MTUS2: variants seen among roughly 807,000 people sequenced by gnomAD.
MTUS2 encodes the protein microtubule associated scaffold protein 2.
MTUS2 carries 40 observed loss-of-function variants against 114.1 expected under a neutral mutation model. The ratio of observed to expected loss-of-function variants is 0.35; its 90% CI spans 0.27 to 0.46. MTUS2 has a LOEUF of 0.46. Ranked by LOEUF, MTUS2 falls within the 20% of genes least tolerant of loss-of-function variation. The pLI, the probability that MTUS2 is intolerant of heterozygous loss-of-function variation, is 1.00. For synonymous variants in MTUS2, 688 were observed against 672.0 expected, an observed-to-expected ratio of 1.02 and a Z score of -0.37; for missense variants, 1,679 against 1,705.4, an observed-to-expected ratio of 0.98 and a Z score of 0.27.
At chr13:28,988,119 A>G (rs1484178599) in intron 2 of MTUS2, among the ~76,000 whole-genome samples, 1 of 152,244 alleles carries the variant, frequency 6.6e-6, no homozygotes, top group Non-Finnish European at 1.5e-5. Flanking sequence ...ATAATTAGCA[A>G]TTAGGATAGA....
chr13:29,147,707 G>A (rs1892494350), intron 5 of MTUS2, among the ~76,000 whole-genome samples: 2 of 151,988 alleles, frequency 1.3e-5, no homozygotes, highest in South Asian at 4.1e-4. Context: ...TTCTGTTCTT[G>A]CATTAATTCT....
chr13:29,120,401 G>A (rs1891259705), intron 5 of MTUS2, among the ~76,000 whole-genome samples: 2 of 151,530 alleles, frequency 1.3e-5, no homozygotes, highest in Non-Finnish European at 2.9e-5. Flanking sequence ...TTATTTAAAT[G>A]GAAAAAATCA....
intron 6 of MTUS2, among the ~76,000 whole-genome samples, chr13:29,300,682 G>A (rs1441932314): frequency 2.6e-5 from 4 of 152,028 alleles, no homozygotes; most frequent in African/African-American, 7.2e-5. Flanking sequence ...TATTTGATGT[G>A]TTTGAAGTGA....
intron 1 of MTUS2, among the ~76,000 whole-genome samples, chr13:28,833,221 A>G (rs1370346099): frequency 6.6e-6 from 1 of 152,166 alleles, no homozygotes; most frequent in Non-Finnish European, 1.5e-5. Context: ...CTCATTCTTT[A>G]AGGCCAGTAG....
intron 5 of MTUS2, among the ~76,000 whole-genome samples, chr13:29,263,632 G>A (rs34701185): frequency 0.013 from 2,012 of 152,242 alleles, 29 homozygotes; most frequent in East Asian, 0.084. Flanking sequence ...AGACAAAGTA[G>A]GAGCAGGCAC....
intron 8 of MTUS2, among the ~76,000 whole-genome samples, chr13:29,408,235 A>G (rs375775011): frequency 6.8e-6 from 1 of 146,780 alleles, no homozygotes; most frequent in Non-Finnish European, 1.5e-5. Flanking sequence ...TGTCTTGATT[A>G]AAAAAAAACC....
At chr13:29,391,927 G>T (rs1272304998) in intron 8 of MTUS2, among the ~76,000 whole-genome samples, 2 of 151,738 alleles carry the variant, frequency 1.3e-5, no homozygotes, top group Non-Finnish European at 1.5e-5. Flanking sequence ...CTGAGGTCAG[G>T]AATTTGAGAC....
chr13:29,239,293 C>G (rs995005020), intron 5 of MTUS2: 2 of 152,102 alleles, frequency 1.3e-5, no homozygotes, highest in Non-Finnish European at 2.9e-5. Context: ...TAAAGCCAAA[C>G]AAAATTTATT....
intron 7 of MTUS2, among the ~76,000 whole-genome samples, chr13:29,341,475 C>T (rs1204501271): frequency 3.3e-5 from 5 of 151,934 alleles, no homozygotes; most frequent in Non-Finnish European, 7.4e-5. Flanking sequence ...TGTCTTTAGC[C>T]CACTTTTTGA....
intron 5 of MTUS2, among the ~76,000 whole-genome samples, chr13:29,159,306 C>G (rs553102088): frequency 1.3e-5 from 2 of 152,212 alleles, no homozygotes; most frequent in East Asian, 1.9e-4. Flanking sequence ...AATATTCTCT[C>G]TCTATGTGCA....
At chr13:28,886,691 T>C (rs1878609636) in intron 2 of MTUS2, among the ~76,000 whole-genome samples, 1 of 152,110 alleles carries the variant, frequency 6.6e-6, no homozygotes, top group South Asian at 2.1e-4. Flanking sequence ...GACAGAAGTG[T>C]AAAATACTCT....
chr13:28,955,536 C>T (rs1883019669), intron 2 of MTUS2, among the ~76,000 whole-genome samples: 1 of 152,120 alleles, frequency 6.6e-6, no homozygotes, highest in Admixed American at 6.5e-5. Flanking sequence ...CAGTGTGACC[C>T]ATATATGTGA....
intron 7 of MTUS2, among the ~76,000 whole-genome samples, chr13:29,358,208 A>G (rs373078988): frequency 9.8e-5 from 15 of 152,350 alleles, no homozygotes; most frequent in African/African-American, 3.1e-4. Context: ...CCGCCTGCAC[A>G]TCCCAGGTCT....
intron 5 of MTUS2, among the ~76,000 whole-genome samples, chr13:29,154,123 G>T (rs1307890914): frequency 6.6e-6 from 1 of 152,168 alleles, no homozygotes; most frequent in Admixed American, 6.5e-5. Flanking sequence ...TAGCTCACCG[G>T]TAGCCAACTA....
At chr13:29,164,621 A>G (rs1467039744) in intron 5 of MTUS2, among the ~76,000 whole-genome samples, 1 of 152,204 alleles carries the variant, frequency 6.6e-6, no homozygotes, top group Non-Finnish European at 1.5e-5. Context: ...AATTAAATTC[A>G]CAGCACTTTT....
chr13:29,287,676 C>T (rs990847064), intron 6 of MTUS2, among the ~76,000 whole-genome samples: 1 of 152,244 alleles, frequency 6.6e-6, no homozygotes, highest in Non-Finnish European at 1.5e-5. Context: ...CTACAGGCAT[C>T]TGATATTTAC....
At chr13:29,180,976 A>C (rs996795448) in intron 5 of MTUS2, among the ~76,000 whole-genome samples, 1 of 152,214 alleles carries the variant, frequency 6.6e-6, no homozygotes, top group Non-Finnish European at 1.5e-5. Context: ...ATTTCAGAAT[A>C]TCCTGAAAAA....
At chr13:29,500,792 A>AACAC (rs3066073) in intron 14 of MTUS2, among the ~76,000 whole-genome samples, 11,153 of 144,204 alleles carry the variant, frequency 0.077, 493 homozygotes, top group Non-Finnish European at 0.11. Context: ...TTACATCAGA[A>AACAC]ACACACACAC....
chr13:29,490,998 T>C (rs1284358198), intron 11 of MTUS2, among the ~76,000 whole-genome samples: 2 of 151,280 alleles, frequency 1.3e-5, no homozygotes, highest in African/African-American at 4.9e-5. Flanking sequence ...TGTGTGTGTG[T>C]GTGTGTGTGG....
Sources: allele counts gnomAD v4.1 joint callset (sites outside exome capture counted in the v4.1 genomes callset), GRCh38; gene constraint gnomAD v4.1.1; transcripts MANE v1.5; gene names NCBI Gene and HGNC (gene_info 2026-07-23, HGNC 2026-07-21).